Variants in NBAS observed in about 807,000 individuals in gnomAD.
The protein encoded by NBAS is NBAS subunit of NRZ tethering complex.
A neutral mutation model predicts 302.5 loss-of-function variants in NBAS; 219 were observed. That is an observed-to-expected ratio of 0.72 (90% CI 0.65 to 0.81). The LOEUF is 0.81. Among genes scored for constraint, NBAS ranks in the 30% least tolerant of loss-of-function variants. The probability of loss-of-function intolerance (pLI) is 0.00; values close to 1 mark genes in which losing one functional copy is unlikely to be tolerated. For missense variants in NBAS, 2,932 were observed against 2,841.6 expected (o/e 1.03, Z -0.72); for synonymous variants, 1,118 against 1,021.6 (o/e 1.09, Z -1.80).
the NBAS span, among the ~76,000 whole-genome samples, chr2:15,145,723 C>G: frequency 2.0e-5 from 3 of 152,088 alleles, no homozygotes; most frequent in Admixed American, 2.0e-4. Context: ...AGGAGCTTCT[C>G]AAAATGAGGT....
rs550630134 is a variant in NBAS, at chr2:15,520,420, C to T, written c.747-9070G>A. Reference sequence around the variant, plus strand: ...GACCCTGTCTCGAAGAAAAGAACTACGAAAAAATCTACGAAGTTCAATACG... The same window carrying T: ...GACCCTGTCTCGAAGAAAAGAACTATGAAAAAATCTACGAAGTTCAATACG... On this transcript the variant is annotated intron_variant, in intron 9 of 51. Transcript: ENST00000281513. Among the ~76,000 whole-genome samples the T allele has an allele frequency of 5.3e-5, 8 of 152,136 alleles. No homozygotes were observed. In the East Asian group the frequency reaches 7.7e-4, roughly 15 times the overall value.
chr2:14,963,819 C>G, the NBAS span, among the ~76,000 whole-genome samples: 12 of 152,324 alleles, frequency 7.9e-5, no homozygotes, highest in African/African-American at 2.9e-4. Context: ...GCTTTGTGTA[C>G]TTTCGCTATA....
At chr2:14,867,235 T>C in the NBAS span, among the ~76,000 whole-genome samples, 3 of 152,218 alleles carry the variant, frequency 2.0e-5, no homozygotes, top group African/African-American at 7.2e-5. Flanking sequence ...CATTGAGCCA[T>C]AGCAGTTTTC....
the NBAS span, among the ~76,000 whole-genome samples, chr2:14,815,246 C>T: frequency 1.3e-5 from 2 of 152,316 alleles, no homozygotes; most frequent in African/African-American, 4.8e-5. Flanking sequence ...AGGGCATGCA[C>T]ATCAACTCCC....
chr2:15,268,389 G>A (rs529742551), intron 44 of NBAS, among the ~76,000 whole-genome samples: 5 of 152,298 alleles, frequency 3.3e-5, no homozygotes, highest in African/African-American at 9.6e-5. Flanking sequence ...GTTGATGTGT[G>A]CTGAAATACA....
chr2:15,498,092 T>C (rs1681135621), intron 11 of NBAS, among the ~76,000 whole-genome samples: 1 of 152,216 alleles, frequency 6.6e-6, no homozygotes, highest in Non-Finnish European at 1.5e-5. Context: ...AGTAAAAACA[T>C]TTACTGAGTG....
chr2:15,478,377 G>A, intron 12 of NBAS, 88 bp from the exon 13 acceptor site: 3 of 933,500 alleles, frequency 3.2e-6, no homozygotes, highest in Non-Finnish European at 5.2e-6. Context: ...TTCAAATAAA[G>A]AGATGACGCT....
At chr2:14,820,781 T>C in the NBAS span, among the ~76,000 whole-genome samples, 4 of 152,252 alleles carry the variant, frequency 2.6e-5, no homozygotes, top group East Asian at 7.7e-4. Flanking sequence ...GCAGTTCTTT[T>C]AGGATGGAGC....
intron 9 of NBAS, among the ~76,000 whole-genome samples, chr2:15,518,784 T>C (rs905170954): frequency 6.6e-6 from 1 of 152,104 alleles, no homozygotes; most frequent in African/African-American, 2.4e-5. Context: ...CTCATAATCA[T>C]GGTGGAAGGC....
the NBAS span, among the ~76,000 whole-genome samples, chr2:14,848,533 TA>T: frequency 7.0e-6 from 1 of 143,036 alleles, no homozygotes. Flanking sequence ...CTTGCTTAGG[TA>T]AACAAAGCGG....
intron 39 of NBAS, 31 bp from the exon 40 acceptor site, chr2:15,308,384 C>T: frequency 6.2e-7 from 1 of 1,610,866 alleles, no homozygotes; most frequent in Non-Finnish European, 8.5e-7. Flanking sequence ...ATTAACTCAG[C>T]TGAAAGGAAA....
chr2:14,994,918 C>A, the NBAS span, among the ~76,000 whole-genome samples: 3 of 152,174 alleles, frequency 2.0e-5, no homozygotes, highest in African/African-American at 7.2e-5. Flanking sequence ...ACCAGTGATG[C>A]CCAAAACCCC....
intron 41 of NBAS, among the ~76,000 whole-genome samples, chr2:15,292,278 C>A (rs1439620091): frequency 6.6e-6 from 1 of 152,196 alleles, no homozygotes. Context: ...AGCCACCACA[C>A]CCATCCAAAA....
chr2:15,431,249 T>A (rs1370106515), intron 21 of NBAS, among the ~76,000 whole-genome samples: 1 of 152,234 alleles, frequency 6.6e-6, no homozygotes, highest in African/African-American at 2.4e-5. Flanking sequence ...CTATGGAATA[T>A]GGTTTAATCT....
At chr2:15,287,838 C>G (rs1028382335) in intron 41 of NBAS, among the ~76,000 whole-genome samples, 1 of 151,330 alleles carries the variant, frequency 6.6e-6, no homozygotes, top group Admixed American at 6.6e-5. Context: ...CTGAGCACCC[C>G]GTGTAGGCAT....
At chr2:15,429,559 C>T (rs758635836) in intron 21 of NBAS, among the ~76,000 whole-genome samples, 37 of 152,126 alleles carry the variant, frequency 2.4e-4, no homozygotes, top group Non-Finnish European at 4.1e-4. Flanking sequence ...AAGAGGGAAG[C>T]TAATGAGGTC....
intron 38 of NBAS, among the ~76,000 whole-genome samples, chr2:15,319,357 C>T (rs963446967): frequency 6.6e-6 from 1 of 151,810 alleles, no homozygotes; most frequent in Non-Finnish European, 1.5e-5. Context: ...CAAGAGCAAA[C>T]GAATGTAAAA....
At chr2:14,946,050 T>C in the NBAS span, among the ~76,000 whole-genome samples, 1 of 152,270 alleles carries the variant, frequency 6.6e-6, no homozygotes, top group East Asian at 1.9e-4. Context: ...CCAGCCTGGG[T>C]GACAGAGCAA....
chr2:14,909,066 C>G, the NBAS span, among the ~76,000 whole-genome samples: 1 of 152,148 alleles, frequency 6.6e-6, no homozygotes, highest in African/African-American at 2.4e-5. Flanking sequence ...GGCGCGGTGG[C>G]TTACGCTCGT....
Sources: allele counts gnomAD v4.1 joint callset (sites outside exome capture counted in the v4.1 genomes callset), GRCh38; gene constraint gnomAD v4.1.1; transcripts MANE v1.5; gene names NCBI Gene and HGNC (gene_info 2026-07-23, HGNC 2026-07-21).